The following DYNC2H1 variants were observed in gnomAD, a reference collection of about 807,000 sequenced individuals.
The protein encoded by DYNC2H1 is cytoplasmic dynein 2 heavy chain 1.
A neutral mutation model predicts 570.0 loss-of-function variants in DYNC2H1; 410 were observed. The observed-to-expected ratio is 0.72, with a 90% CI of 0.66 to 0.78. The LOEUF (loss-of-function observed/expected upper bound fraction) is 0.78, where lower values mean the gene tolerates loss of function less well. Among genes scored for constraint, DYNC2H1 ranks in the 30% least tolerant of loss-of-function variants. DYNC2H1 has a pLI of 0.00. For missense variants in DYNC2H1, 4,865 were observed against 5,046.4 expected (o/e 0.96, Z 1.09); for synonymous variants, 1,688 against 1,677.6 (o/e 1.01, Z -0.15).
At chr11:103,451,323 G>GTTTT (rs1237889193) in intron 85 of DYNC2H1, among the ~76,000 whole-genome samples, 2 of 111,626 alleles carry the variant, frequency 1.8e-5, no homozygotes, top group African/African-American at 7.9e-5. Context: ...GAGTAAAAGG[G>GTTTT]CTTTTTTTTT....
At chr11:103,290,481 T>C (rs912657145) in intron 75 of DYNC2H1, among the ~76,000 whole-genome samples, 2 of 152,204 alleles carry the variant, frequency 1.3e-5, no homozygotes, top group African/African-American at 2.4e-5. Flanking sequence ...TTTCTTTTGG[T>C]TGCAGGTGAC....
At position 103,448,597 on chromosome 11, in the gene DYNC2H1, T is replaced by C. The variant is rs546066854; in HGVS notation, c.12457-6589T>C. Among the ~76,000 whole-genome samples, 15 of 152,262 alleles carry C rather than the reference T, an allele frequency of 9.9e-5. No individual in the cohort carries two copies. The South Asian group carries it at 2.7e-3, about 27-fold the overall frequency. On this transcript the variant is annotated intron_variant, in intron 85 of 88. Transcript: ENST00000375735. Reference sequence around the variant, plus strand: ...GCCTACAAGGGAACTCAATCCACAGTAGAAGAGGGTAGGGCAGAGAGAGAT... The same window carrying C: ...GCCTACAAGGGAACTCAATCCACAGCAGAAGAGGGTAGGGCAGAGAGAGAT...
At chr11:103,250,800 C>G (rs1864801625) in intron 65 of DYNC2H1, among the ~76,000 whole-genome samples, 2 of 150,638 alleles carry the variant, frequency 1.3e-5, no homozygotes, top group South Asian at 4.3e-4. Flanking sequence ...TTATAAATTC[C>G]TTAGTATTTT....
chr11:103,384,991 G>A (rs2135589139), intron 83 of DYNC2H1, among the ~76,000 whole-genome samples: 1 of 152,126 alleles, frequency 6.6e-6, no homozygotes, highest in South Asian at 2.1e-4. Context: ...TTATACTGAA[G>A]GTAGATTTGA....
At position 103,148,726 on chromosome 11, in the gene DYNC2H1, A is replaced by G. The variant is rs574763491; in HGVS notation, c.2946+109A>G. On this transcript the variant is annotated intron_variant, in intron 20 of 88. Coordinates refer to ENST00000375735, the MANE Select transcript of DYNC2H1 (RefSeq NM_001377.3). Reference sequence around the variant, plus strand: ...ACAAATATATAATCTCAACATTATAAGGAGGTCCACAATAGTCTGGCTTAC... The same window carrying G: ...ACAAATATATAATCTCAACATTATAGGGAGGTCCACAATAGTCTGGCTTAC... The G allele has an allele frequency of 3.0e-5, 39 of 1,314,072 alleles. No individual in the cohort carries two copies. The African/African-American group carries it at 3.9e-4, about 13-fold the overall frequency. 81.4% of individuals were successfully genotyped at this position (1,314,072 alleles called of 1,614,324 possible). A position where few individuals can be genotyped will look rare whatever the true frequency, so the allele number is the denominator to read the frequency against.
intron 13 of DYNC2H1, among the ~76,000 whole-genome samples, chr11:103,131,403 C>T (rs1859260943): frequency 6.6e-6 from 1 of 152,142 alleles, no homozygotes; most frequent in Non-Finnish European, 1.5e-5. Context: ...ATTCTCCTGC[C>T]TCAGCCTCAG....
At position 103,264,027 on chromosome 11, in the gene DYNC2H1, C is replaced by T. The variant is rs1031987440; in HGVS notation, c.10695+4050C>T. 6.6e-6 allele frequency among the ~76,000 whole-genome samples: 1 copy of T among 152,082 alleles called. No homozygotes were observed. The highest frequency in any genetic ancestry group is 6.5e-5 in the Admixed American group (1 of 15,270). On this transcript the variant is annotated intron_variant, in intron 70 of 88. Coordinates refer to ENST00000375735, the MANE Select transcript of DYNC2H1 (RefSeq NM_001377.3). This position sits in a 1 kb window ranked among gnomAD's most constrained non-coding sequence, Gnocchi z 4.8. ...ATAAAAAATGATAAAGGGGATATCA[C>T]CACCGATCCCACAGAAATACAAACT...
rs753231935 is a variant in DYNC2H1 at position 103,120,491 on chromosome 11, A to T, written c.1044A>T (p.Leu348=). ...TTCATGAGAAGTTTCTCTATTTTCTACCTGCCAGTGAAGAGAAAATCATAT... is the reference window on the plus strand; with the variant it reads ...TTCATGAGAAGTTTCTCTATTTTCTTCCTGCCAGTGAAGAGAAAATCATAT... ...RTIHEKFLYF[L]PASEEKIICL... is the part of the protein sequence containing the mutation. The change falls in exon 7 of 89, where the codon CTA becomes CTT. Residue 348 remains leucine, a synonymous_variant. Transcript: ENST00000375735. 6.2e-7 allele frequency: 1 copy of T among 1,612,676 alleles called. No individual in the cohort carries two copies. The highest frequency in any genetic ancestry group is 1.7e-5 in the Admixed American group (1 of 59,956).
At position 103,145,177 on chromosome 11, in the gene DYNC2H1, G is replaced by A. The variant is rs943865422; in HGVS notation, c.2702+1782G>A. On this transcript the variant is annotated intron_variant, in intron 18 of 88. Transcript: ENST00000375735. This position sits in a 1 kb window ranked among gnomAD's most constrained non-coding sequence, Gnocchi z 4.2. ...ATTACAGGCATGAACCACCATGCCCGGCCATAATAATTAATTGAATTATCT... is the reference window on the plus strand; with the variant it reads ...ATTACAGGCATGAACCACCATGCCCAGCCATAATAATTAATTGAATTATCT... Among the ~76,000 whole-genome samples the A allele has an allele frequency of 1.3e-5, 2 of 152,022 alleles. No homozygotes were observed. The highest frequency in any genetic ancestry group is 4.8e-5 in the African/African-American group (2 of 41,372).
chr11:103,366,081 G>A (rs1396786789), intron 83 of DYNC2H1, among the ~76,000 whole-genome samples: 1 of 152,202 alleles, frequency 6.6e-6, no homozygotes, highest in Admixed American at 6.5e-5. Context: ...TGAATAGCTA[G>A]TGTCTCCTTA....
rs1863546743 is a variant in DYNC2H1, at chr11:103,220,556, T to G, written c.8947-67T>G. ...TGCATAAATGACAATAAAACATAATTTTTCAAGAGTTAATGATTTAAAGAA... is the reference window on the plus strand; with the variant it reads ...TGCATAAATGACAATAAAACATAATGTTTCAAGAGTTAATGATTTAAAGAA... On this transcript the variant is annotated intron_variant, in intron 56 of 88. Coordinates refer to ENST00000375735, the MANE Select transcript of DYNC2H1 (RefSeq NM_001377.3). 1.3e-5 allele frequency: 18 copies of G among 1,437,880 alleles called. No homozygotes were observed. The South Asian group carries it at 2.5e-4, about 20-fold the overall frequency. 89.1% of individuals were successfully genotyped at this position (1,437,880 alleles called of 1,614,324 possible).
rs1337319910 is a variant in DYNC2H1 at position 103,280,435 on chromosome 11, A to C, written c.10761+22A>C. 3 of 1,546,622 alleles carry C rather than the reference A, an allele frequency of 1.9e-6. No homozygotes were observed. In the South Asian group the frequency reaches 3.6e-5, roughly 18 times the overall value. ...AAATGTAAGTCAAATTAAAGGAGAG[A>C]AATTTTACAGTAACATAGAAATTTG... is the stretch of plus-strand genomic sequence containing the variant. On this transcript the variant is annotated intron_variant, in intron 71 of 88. Transcript: ENST00000375735. This position sits in a 1 kb window ranked among gnomAD's most constrained non-coding sequence, Gnocchi z 4.7.
At chr11:103,208,920 G>T (rs561840351) in intron 52 of DYNC2H1, among the ~76,000 whole-genome samples, 1 of 152,084 alleles carries the variant, frequency 6.6e-6, no homozygotes, top group Non-Finnish European at 1.5e-5. Context: ...GATATTGTTT[G>T]AGGATAGACC....
chr11:103,199,354 C>T lies in DYNC2H1; in HGVS notation c.7966C>T (p.Arg2656Cys), dbSNP rs371214841. 18 of 1,612,160 alleles carry T rather than the reference C, an allele frequency of 1.1e-5. No homozygotes were observed. Among genetic ancestry groups the T allele is most frequent in the Middle Eastern group, 2.0e-4 (1 of 5,076 alleles). Reference protein sequence around the residue: ...FPGGSLLLAGRSGVGRRTITS... With the variant: ...FPGGSLLLAGCSGVGRRTITS... ...TGGAGGTTCACTTCTATTAGCAGGACGCAGTGGTGTAGGTCGTCGGACCAT... is the reference window on the plus strand; with the variant it reads ...TGGAGGTTCACTTCTATTAGCAGGATGCAGTGGTGTAGGTCGTCGGACCAT... The change falls in exon 49 of 89, where the codon CGC becomes TGC. Residue 2656 changes from arginine (R) to cysteine (C), a missense_variant. By Grantham distance (180) the Arg-to-Cys change is radical (BLOSUM62 -3). Around this residue, in one of 5 missense-constraint regions of DYNC2H1, gnomAD observed 2,401 missense variants for 2,454.6 expected, o/e 0.98. Coordinates refer to ENST00000375735, the MANE Select transcript of DYNC2H1 (RefSeq NM_001377.3). This position sits in a 1 kb window ranked among gnomAD's most constrained non-coding sequence, Gnocchi z 4.6.
chr11:103,418,868 G>A (rs911398101), intron 84 of DYNC2H1, among the ~76,000 whole-genome samples: 3 of 152,140 alleles, frequency 2.0e-5, no homozygotes, highest in Middle Eastern at 3.2e-3. Flanking sequence ...CACCACCAGG[G>A]CCTTGGGTCC....
intron 29 of DYNC2H1, 119 bp from the exon 30 acceptor site, chr11:103,162,909 C>A (rs559737629): frequency 3.8e-6 from 3 of 795,144 alleles, no homozygotes; most frequent in East Asian, 3.0e-5. Context: ...AAGTATAATA[C>A]CCCGTCTTGA....
Position 103,116,656 on chromosome 11 carries a change from A to G in DYNC2H1, c.708A>G (p.Arg236=), listed in dbSNP as rs756550778. 1.4e-5 allele frequency: 23 copies of G among 1,609,276 alleles called. No individual in the cohort carries two copies. In the African/African-American group the frequency reaches 2.0e-4, roughly 14 times the overall value. Residue 236 remains arginine (R), a synonymous_variant, in exon 5 of 89, where the codon AGA becomes AGG. Coordinates refer to ENST00000375735, the MANE Select transcript of DYNC2H1 (RefSeq NM_001377.3). ...AGGATGTTGTAGATGATGTGTGGAG[A>G]CAAACAGAACATGATCATTATCCTG... ...TTQDVVDDVW[R]QTEHDHYPES... is the part of the protein sequence containing the mutation.
chr11:103,274,223 G>C (rs1391687005), intron 70 of DYNC2H1, among the ~76,000 whole-genome samples: 2 of 151,670 alleles, frequency 1.3e-5, no homozygotes, highest in African/African-American at 4.8e-5. Context: ...GGCCAGGCAT[G>C]GTGACTCATA....
chr11:103,371,927 G>GTTTTTTT (rs60335910), intron 83 of DYNC2H1, among the ~76,000 whole-genome samples: 55 of 67,878 alleles, frequency 8.1e-4, no homozygotes, highest in Admixed American at 9.4e-4. Flanking sequence ...TCCCATTTGG[G>GTTTTTTT]TTTTTTTTTT....
Sources: gnomAD v4.1 joint callset for allele counts (sites outside exome capture counted in the v4.1 genomes callset) on GRCh38, gnomAD v4.1.1 for gene constraint, gnomAD v4.1.1 regional missense constraint, Gnocchi (gnomAD v3.1) non-coding constraint, MANE v1.5 for transcripts, NCBI Gene and HGNC (gene_info 2026-07-23, HGNC 2026-07-21) for gene names.